Variants in NME9 observed in about 807,000 individuals in gnomAD.
NME9 encodes the protein thioredoxin domain-containing protein 6.
In NME9, 48 loss-of-function variants were observed where a neutral mutation model predicts 44.4. That is an observed-to-expected ratio of 1.08 (90% confidence interval 0.86 to 1.37). NME9 has a LOEUF of 1.37. NME9 is among the 40% of genes most tolerant of loss of function. The pLI, the probability that NME9 is intolerant of heterozygous loss-of-function variation, is 0.00. For missense variants in NME9, 325 were observed against 405.2 expected, an observed-to-expected ratio of 0.80 and a Z score of 1.70; for synonymous variants, 139 against 147.1, an observed-to-expected ratio of 0.94 and a Z score of 0.40.
chr3:138,273,104 C>T (rs774698014), intron 8 of NME9: 5 of 1,606,646 alleles, frequency 3.1e-6, no homozygotes, highest in Non-Finnish European at 3.4e-6. Context: ...GAAATCTCCT[C>T]TCCACTCGTC....
At chr3:138,308,945 GAAAAA>G (rs1002890235) in intron 6 of NME9, among the ~76,000 whole-genome samples, 16 of 52,886 alleles carry the variant, frequency 3.0e-4, no homozygotes, top group East Asian at 7.4e-4. Context: ...AATACTGAAA[GAAAAA>G]AAAAAAAAAA....
At chr3:138,268,626 A>C (rs1224976724) in intron 8 of NME9, among the ~76,000 whole-genome samples, 1 of 152,062 alleles carries the variant, frequency 6.6e-6, no homozygotes, top group African/African-American at 2.4e-5. Flanking sequence ...AAAATTAAAC[A>C]ATCAACCAGG....
chr3:138,294,507 A>G (rs1450539038), intron 8 of NME9, among the ~76,000 whole-genome samples: 3 of 152,226 alleles, frequency 2.0e-5, no homozygotes, highest in African/African-American at 4.8e-5. Flanking sequence ...GGATTGGACT[A>G]TTCACAATAT....
At chr3:138,304,733 C>T (rs761410927) in intron 9 of NME9, 140 bp downstream of exon 9, 1 of 849,682 alleles carries the variant, frequency 1.2e-6, no homozygotes, top group Non-Finnish European at 1.9e-6. Context: ...GTCAGGGTCT[C>T]CCCAAATATA....
chr3:138,299,434 C>T (rs1213999781), downstream of NME9, among the ~76,000 whole-genome samples: 2 of 152,194 alleles, frequency 1.3e-5, no homozygotes, highest in African/African-American at 4.8e-5. Flanking sequence ...AAGCCAAAAA[C>T]AGCACCCATC....
chr3:138,324,160 T>G, intron 2 of NME9: 1 of 263,704 alleles, frequency 3.8e-6, no homozygotes, highest in South Asian at 4.5e-5. Flanking sequence ...CAATGAGGAC[T>G]TAAATCCTTC....
chr3:138,291,066 C>T (rs368506756), intron 8 of NME9, among the ~76,000 whole-genome samples: 1 of 152,234 alleles, frequency 6.6e-6, no homozygotes, highest in African/African-American at 2.4e-5. Flanking sequence ...AATCACTGTC[C>T]TCAAAGAGCT....
At chr3:138,273,581 G>A (rs1045065804) in intron 8 of NME9, among the ~76,000 whole-genome samples, 3 of 152,086 alleles carry the variant, frequency 2.0e-5, no homozygotes, top group Non-Finnish European at 4.4e-5. Flanking sequence ...CAGTGGATAC[G>A]TGTCAGAGTA....
intron 6 of NME9, among the ~76,000 whole-genome samples, chr3:138,311,548 G>A (rs1415170867): frequency 1.3e-5 from 2 of 152,000 alleles, no homozygotes; most frequent in African/African-American, 4.8e-5. Flanking sequence ...TTCACTATGT[G>A]GGATTCATCC....
intron 6 of NME9, among the ~76,000 whole-genome samples, chr3:138,313,178 G>A (rs2052819029): frequency 2.0e-5 from 3 of 152,124 alleles, no homozygotes; most frequent in Non-Finnish European, 1.5e-5. Flanking sequence ...ATCACCTGAT[G>A]TCAGGAGTTC....
chr3:138,293,767 T>C (rs978342680), intron 8 of NME9, among the ~76,000 whole-genome samples: 2 of 152,172 alleles, frequency 1.3e-5, no homozygotes, highest in African/African-American at 4.8e-5. Flanking sequence ...TTATCTCATA[T>C]TTATTCAGAA....
At chr3:138,267,329 G>T in intron 8 of NME9, 1 of 765,394 alleles carries the variant, frequency 1.3e-6, no homozygotes, top group African/African-American at 1.8e-5. Flanking sequence ...ATTGAAATCT[G>T]TGGGTTGGGT....
At chr3:138,284,482 A>C (rs762260668) in intron 8 of NME9, 1 of 1,613,804 alleles carries the variant, frequency 6.2e-7, no homozygotes, top group Non-Finnish European at 8.5e-7. Context: ...AAAAGATCTT[A>C]TTATGACCAA....
At chr3:138,275,558 CAA>C (rs1260591641) in intron 8 of NME9, among the ~76,000 whole-genome samples, 1 of 138,980 alleles carries the variant, frequency 7.2e-6, no homozygotes, top group Admixed American at 7.2e-5. Context: ...GACTCTGTCT[CAA>C]AAAAAAAAAA....
intron 4 of NME9, 64 bp from the exon 5 acceptor site, chr3:138,315,707 C>T: frequency 3.8e-6 from 5 of 1,301,068 alleles, no homozygotes; most frequent in Non-Finnish European, 5.3e-6. Flanking sequence ...TAAGAGATGG[C>T]AAGAGTGTCT....
chr3:138,284,122 TAA>T (rs1465828958), intron 8 of NME9, among the ~76,000 whole-genome samples: 2 of 152,244 alleles, frequency 1.3e-5, no homozygotes, highest in African/African-American at 2.4e-5. Context: ...AGAAAAATAA[TAA>T]GTTACATTTT....
chr3:138,278,208 C>A (rs1462204413), intron 8 of NME9, among the ~76,000 whole-genome samples: 1 of 151,944 alleles, frequency 6.6e-6, no homozygotes, highest in Non-Finnish European at 1.5e-5. Context: ...TTTTAAGATT[C>A]TATATATACA....
intron 8 of NME9, chr3:138,287,589 C>T (rs1372696578): frequency 2.2e-6 from 1 of 455,654 alleles, no homozygotes; most frequent in Non-Finnish European, 4.4e-6. Flanking sequence ...GATTGATTGT[C>T]TGAGGCTGGG....
At chr3:138,302,428 C>A (rs548139768) in intron 10 of NME9, among the ~76,000 whole-genome samples, 1 of 152,182 alleles carries the variant, frequency 6.6e-6, no homozygotes, top group Non-Finnish European at 1.5e-5. Flanking sequence ...ATCACCACCC[C>A]CCATTCCCAA....
Sources: allele counts gnomAD v4.1 joint callset (sites outside exome capture counted in the v4.1 genomes callset), GRCh38; gene constraint gnomAD v4.1.1; transcripts MANE v1.5; gene names NCBI Gene and HGNC (gene_info 2026-07-23, HGNC 2026-07-21).